Variants in CCDC192 observed in about 807,000 individuals in gnomAD.
The protein encoded by CCDC192 is coiled-coil domain-containing protein 192.
In CCDC192 at chr5:127,854,346, T is replaced by G. The variant is rs145929356; in HGVS notation, c.412-21192T>G. Among the ~76,000 whole-genome samples, 54 of 152,318 alleles carry G rather than the reference T, an allele frequency of 3.5e-4. 1 individual carries two copies. The highest frequency in any genetic ancestry group is 1.2e-3 in the African/African-American group (48 of 41,570). ...ACAGTAGTACCCCCTTATTTACGGT[T>G]GCGCCTTCTGCAGTTTCGGTTACCC... is the stretch of plus-strand genomic sequence containing the variant. On this transcript the variant is annotated intron_variant, in intron 5 of 6. Transcript: ENST00000514853.
At chr5:127,722,576 T>C (rs1353944541) in intron 2 of CCDC192, among the ~76,000 whole-genome samples, 1 of 152,178 alleles carries the variant, frequency 6.6e-6, no homozygotes, top group African/African-American at 2.4e-5. Flanking sequence ...TTTCTTTTAG[T>C]AGTTTCATAG....
Position 127,785,196 on chromosome 5 carries a change from T to C in CCDC192, c.223-11907T>C, listed in dbSNP as rs1411443882. 6 of 528,024 alleles carry C rather than the reference T, an allele frequency of 1.1e-5. No homozygotes were observed. The East Asian group carries it at 2.1e-4, about 19-fold the overall frequency. The allele number at this position is 528,024 out of a possible 1,614,324, so 32.7% of individuals were successfully genotyped here. ...CCAATTCTCCTTTAGACAACTGATA[T>C]AACCATGTCAATTTTCAGCCACTGT... On this transcript the variant is annotated intron_variant, in intron 3 of 6. Transcript: ENST00000514853.
In CCDC192 at chr5:127,785,383, G is replaced by T. The variant is rs187366310; in HGVS notation, c.223-11720G>T. ...GAATTTGTCAGGTGATTTTTGAATT[G>T]CTCATTCAGATCTTTGCTCACACCA... On this transcript the variant is annotated intron_variant, in intron 3 of 6. Transcript: ENST00000514853. The T allele has an allele frequency of 5.2e-3, 2,195 of 419,868 alleles. 14 individuals carry two copies. Among genetic ancestry groups the T allele is most frequent in the Middle Eastern group, 0.015 (40 of 2,646 alleles). 26.0% of individuals were successfully genotyped at this position (419,868 alleles called of 1,614,324 possible).
intron 2 of CCDC192, among the ~76,000 whole-genome samples, chr5:127,734,423 G>A (rs1253287480): frequency 1.3e-5 from 2 of 151,276 alleles, no homozygotes; most frequent in South Asian, 4.2e-4. Flanking sequence ...ATGATTTATA[G>A]TCCTTTGGGT....
At chr5:127,835,888 A>G (rs1329933735) in intron 5 of CCDC192, among the ~76,000 whole-genome samples, 2 of 152,158 alleles carry the variant, frequency 1.3e-5, no homozygotes, top group South Asian at 4.1e-4. Flanking sequence ...AAGCCTAACC[A>G]TATCATTCCA....
chr5:127,800,156 G>T (rs1161861877), intron 5 of CCDC192, among the ~76,000 whole-genome samples: 3 of 151,556 alleles, frequency 2.0e-5, no homozygotes, highest in Non-Finnish European at 4.4e-5. Context: ...GTTTATAAAG[G>T]TTCTATCTCC....
intron 2 of CCDC192, among the ~76,000 whole-genome samples, chr5:127,731,453 T>C (rs1453088772): frequency 6.6e-6 from 1 of 152,124 alleles, no homozygotes; most frequent in African/African-American, 2.4e-5. Flanking sequence ...AAGTAATTTA[T>C]AGATTCAATG....
chr5:127,875,555 G>C lies in CCDC192; in HGVS notation c.429G>C (p.Lys143Asn). The change falls in exon 6 of 7, where the codon AAG becomes AAC. Residue 143 changes from lysine (K) to asparagine (N), a missense_variant. Lys to Asn is a moderately conservative substitution (Grantham distance 94). Coordinates refer to ENST00000514853, the MANE Select transcript of CCDC192 (RefSeq NM_001317938.2). ...TTTTTAAGAAACTAAAGCATGAAAA[G>C]AAAGTGAAAAAACTACAGACTGATT... The part of the protein sequence containing the change: ...QLIAQKLKHE[K>N]KVKKLQTDLA... The C allele has an allele frequency of 2.5e-6, 1 of 397,136 alleles. No homozygotes were observed. The highest frequency in any genetic ancestry group is 4.4e-6 in the Non-Finnish European group (1 of 225,666). The allele number at this position is 397,136 out of a possible 1,614,324, so 24.6% of individuals were successfully genotyped here.
chr5:127,851,103 G>T (rs999722629), intron 5 of CCDC192, among the ~76,000 whole-genome samples: 1 of 152,148 alleles, frequency 6.6e-6, no homozygotes, highest in Non-Finnish European at 1.5e-5. Context: ...GCAGGATTGG[G>T]TGCTTGTCCT....
At chr5:127,870,730 A>G (rs983917900) in intron 5 of CCDC192, among the ~76,000 whole-genome samples, 2 of 152,228 alleles carry the variant, frequency 1.3e-5, no homozygotes, top group African/African-American at 2.4e-5. Flanking sequence ...AAGAACATAC[A>G]TGACACATAT....
intron 3 of CCDC192, chr5:127,785,358 G>T: frequency 2.3e-6 from 1 of 430,020 alleles, no homozygotes; most frequent in South Asian, 1.9e-5. Flanking sequence ...TAGGGGTTCT[G>T]AATTTGTCAG....
At chr5:127,792,021 A>T (rs1756893276) in intron 3 of CCDC192, among the ~76,000 whole-genome samples, 1 of 152,132 alleles carries the variant, frequency 6.6e-6, no homozygotes, top group Admixed American at 6.6e-5. Context: ...ATAAGAAGGA[A>T]CCAAGTAGTG....
chr5:127,791,128 A>G (rs1360514439), intron 3 of CCDC192, among the ~76,000 whole-genome samples: 2 of 152,212 alleles, frequency 1.3e-5, no homozygotes, highest in Admixed American at 6.5e-5. Flanking sequence ...GAAGGAGAAG[A>G]TCATTTAAAG....
At chr5:127,871,210 T>A (rs1290490953) in intron 5 of CCDC192, among the ~76,000 whole-genome samples, 1 of 152,250 alleles carries the variant, frequency 6.6e-6, no homozygotes, top group Non-Finnish European at 1.5e-5. Flanking sequence ...GCTATTTGCA[T>A]GTCTGTTTTC....
At chr5:127,737,946 G>A (rs1753123691) in intron 2 of CCDC192, among the ~76,000 whole-genome samples, 1 of 150,672 alleles carries the variant, frequency 6.6e-6, no homozygotes, top group African/African-American at 2.4e-5. Context: ...AGTTAATATT[G>A]TTATGTGTGA....
intron 1 of CCDC192, among the ~76,000 whole-genome samples, chr5:127,703,909 T>A (rs1750817439): frequency 1.3e-5 from 2 of 152,168 alleles, no homozygotes; most frequent in South Asian, 4.1e-4. Flanking sequence ...GGGTCATTCC[T>A]CCTCTACATG....
intron 2 of CCDC192, among the ~76,000 whole-genome samples, chr5:127,724,841 C>G (rs1258395672): frequency 1.7e-5 from 2 of 118,366 alleles, no homozygotes; most frequent in African/African-American, 5.9e-5. Context: ...GAGTGAGACT[C>G]CGTCTCAAAA....
At position 127,926,120 on chromosome 5, in the gene CCDC192, A is replaced by C. The variant is rs185165123; in HGVS notation, c.536-15062A>C. On this transcript the variant is annotated intron_variant, in intron 6 of 6. Coordinates refer to ENST00000514853, the MANE Select transcript of CCDC192 (RefSeq NM_001317938.2). ...AGCTCCGCCTTTGCCTTATTTGAAC[A>C]CAGTTTGAACACTCAGCAATGTATG... is the stretch of plus-strand genomic sequence containing the variant. 5.3e-5 allele frequency among the ~76,000 whole-genome samples: 8 copies of C among 152,316 alleles called. No individual in the cohort carries two copies. The East Asian group carries it at 1.4e-3, about 26-fold the overall frequency.
chr5:127,781,885 TG>T (rs1756246923), intron 3 of CCDC192, among the ~76,000 whole-genome samples: 1 of 152,038 alleles, frequency 6.6e-6, no homozygotes, highest in South Asian at 2.1e-4. Flanking sequence ...TGAAGAGGAG[TG>T]GTGAGAATGG....
Sources: allele counts gnomAD v4.1 joint callset (sites outside exome capture counted in the v4.1 genomes callset), GRCh38; gene constraint gnomAD v4.1.1; transcripts MANE v1.5; gene names NCBI Gene and HGNC (gene_info 2026-07-23, HGNC 2026-07-21).